SENP2: variants seen among roughly 807,000 people sequenced by gnomAD.
SENP2 encodes sentrin-specific protease 2.
Under a neutral mutation model 86.3 loss-of-function variants are expected in SENP2, and 16 were observed. That is an observed-to-expected ratio of 0.19 (90% CI 0.13 to 0.28). SENP2 has a LOEUF of 0.28. Ranked by LOEUF, SENP2 falls within the 10% of genes least tolerant of loss-of-function variation. The pLI, the probability that SENP2 is intolerant of heterozygous loss-of-function variation, is 1.00. For synonymous variants in SENP2, 222 were observed against 238.7 expected (o/e 0.93, Z 0.64); for missense variants, 552 against 703.0 (o/e 0.79, Z 2.43).
intron 7 of SENP2, among the ~76,000 whole-genome samples, chr3:185,611,023 C>A (rs760351725): frequency 6.6e-6 from 1 of 152,110 alleles, no homozygotes; most frequent in Admixed American, 6.6e-5. Context: ...CACCTGTAAT[C>A]CCAGCGCTTT....
At chr3:185,624,195 A>G (rs1294306552) in intron 15 of SENP2, 113 bp downstream of exon 15, 10 of 633,826 alleles carry the variant, frequency 1.6e-5, no homozygotes, top group Middle Eastern at 2.6e-4. Context: ...TTTAAAGTAC[A>G]CATCTTTTTT....
chr3:185,602,475 T>C (rs538716366), intron 5 of SENP2, among the ~76,000 whole-genome samples: 2 of 152,026 alleles, frequency 1.3e-5, no homozygotes, highest in African/African-American at 4.8e-5. Flanking sequence ...AATAAATAAA[T>C]ATATAGTGTC....
chr3:185,623,168 T>C (rs940895181), intron 14 of SENP2, among the ~76,000 whole-genome samples: 5 of 150,642 alleles, frequency 3.3e-5, no homozygotes, highest in Non-Finnish European at 7.4e-5. Flanking sequence ...TGAGATGGAG[T>C]TTCACTCTTG....
At chr3:185,615,821 A>G (rs1286856132) in intron 11 of SENP2, among the ~76,000 whole-genome samples, 2 of 152,090 alleles carry the variant, frequency 1.3e-5, no homozygotes, top group African/African-American at 2.4e-5. Context: ...GTCAAAAAGG[A>G]TGGTGTGACC....
intron 10 of SENP2, 121 bp downstream of exon 10, chr3:185,613,529 C>G (rs1231963640): frequency 1.7e-6 from 1 of 597,232 alleles, no homozygotes; most frequent in Admixed American, 3.1e-5. Context: ...TGTTGTTTTT[C>G]TTTAAAAAAG....
Position 185,607,203 on chromosome 3 carries a change from A to C in SENP2, c.618+705A>C, listed in dbSNP as rs1363073022. On this transcript the variant is annotated intron_variant, in intron 6 of 16. Transcript: ENST00000296257. Reference sequence around the variant, plus strand: ...TCTAAGCAAGTAACCTCTGATACCTATATGTATTCTTCTATAGATATTCTA... The same window carrying C: ...TCTAAGCAAGTAACCTCTGATACCTCTATGTATTCTTCTATAGATATTCTA... Among the ~76,000 whole-genome samples the C allele has an allele frequency of 2.6e-5, 4 of 151,194 alleles. 1 individual carries two copies. The highest frequency in any genetic ancestry group is 6.6e-5 in the Admixed American group (1 of 15,154).
At chr3:185,600,876 G>A (rs1471778934) in intron 5 of SENP2, 21 bp downstream of exon 5, 2 of 1,533,820 alleles carry the variant, frequency 1.3e-6, no homozygotes, top group African/African-American at 1.4e-5. Flanking sequence ...AATTCTTTCT[G>A]TAAATGGAAA....
chr3:185,623,917 C>T (rs1168693171), intron 14 of SENP2, 81 bp from the exon 15 acceptor site: 4 of 575,206 alleles, frequency 7.0e-6, no homozygotes, highest in African/African-American at 6.0e-5. Context: ...ATCTGTTTAA[C>T]ATCAGAAAGC....
chr3:185,603,190 G>T (rs995018990), intron 5 of SENP2, among the ~76,000 whole-genome samples: 1 of 152,074 alleles, frequency 6.6e-6, no homozygotes, highest in Non-Finnish European at 1.5e-5. Flanking sequence ...GGAATTACAG[G>T]CGTGAGCCAC....
chr3:185,612,563 A>G (rs1041811612), intron 8 of SENP2, 44 bp from the exon 9 acceptor site: 16 of 1,362,728 alleles, frequency 1.2e-5, no homozygotes, highest in Non-Finnish European at 1.6e-5. Flanking sequence ...TATATTATTC[A>G]TCGATGAAGG....
At chr3:185,609,755 C>T (rs1722625880) in intron 7 of SENP2, among the ~76,000 whole-genome samples, 1 of 151,542 alleles carries the variant, frequency 6.6e-6, no homozygotes, top group African/African-American at 2.4e-5. Context: ...TTCCTTTCTC[C>T]TTCACCTCCT....
chr3:185,625,250 C>T (rs990622146), intron 15 of SENP2, among the ~76,000 whole-genome samples: 10 of 151,812 alleles, frequency 6.6e-5, no homozygotes, highest in East Asian at 2.0e-4. Context: ...TAGCTGGGAC[C>T]ACAGGCGCCT....
At chr3:185,602,768 G>A (rs543341920) in intron 5 of SENP2, among the ~76,000 whole-genome samples, 3 of 148,264 alleles carry the variant, frequency 2.0e-5, no homozygotes, top group African/African-American at 7.5e-5. Context: ...CGGAAGCAGA[G>A]GGTGCAGTGA....
chr3:185,621,709 C>G, intron 13 of SENP2, 117 bp from the exon 14 acceptor site: 1 of 592,392 alleles, frequency 1.7e-6, no homozygotes, highest in Non-Finnish European at 2.9e-6. Context: ...TTCTAAGATA[C>G]ATAAAAAATT....
chr3:185,594,786 A>G (rs932997903), intron 2 of SENP2, among the ~76,000 whole-genome samples: 28 of 152,090 alleles, frequency 1.8e-4, no homozygotes, highest in African/African-American at 6.8e-4. Context: ...TGCCCAGCTA[A>G]TTTTTATATT....
Position 185,612,670 on chromosome 3 carries a change from C to T in SENP2, c.869+12C>T. 6.3e-7 allele frequency: 1 copy of T among 1,576,464 alleles called. No homozygotes were observed. The highest frequency in any genetic ancestry group is 8.7e-7 in the Non-Finnish European group (1 of 1,146,570). On this transcript the variant is annotated intron_variant, in intron 9 of 16. Coordinates refer to ENST00000296257, the MANE Select transcript of SENP2 (RefSeq NM_021627.3). ...AGAAGTGAAAAGAGGTACGTACATTCAGTTCATTCTACACTTTCTTTTAAT... is the reference window on the plus strand; with the variant it reads ...AGAAGTGAAAAGAGGTACGTACATTTAGTTCATTCTACACTTTCTTTTAAT...
rs63707460 is a variant in SENP2 at position 185,623,826 on chromosome 3, C to CAAAAAAAAAAAAA, written c.1527-160_1527-148dup. Among the ~76,000 whole-genome samples the CAAAAAAAAAAAAA allele has an allele frequency of 2.7e-4, 13 of 47,786 alleles. 1 individual carries two copies. In the South Asian group the frequency reaches 6.0e-3, roughly 22 times the overall value. 31.3% of individuals were successfully genotyped at this position (47,786 alleles called of 152,430 possible). ...TGGGCGACAGAGCGAGACTCTGTCT[C>CAAAAAAAAAAAAA]AAAAAAAAAAAAAAAAAAAAAAAAT... On this transcript the variant is annotated intron_variant, in intron 14 of 16. Transcript: ENST00000296257.
At chr3:185,601,681 C>T (rs1304464111) in intron 5 of SENP2, among the ~76,000 whole-genome samples, 2 of 148,432 alleles carry the variant, frequency 1.3e-5, no homozygotes, top group African/African-American at 5.0e-5. Flanking sequence ...TGCTCTGTCA[C>T]CCAGGCAGTT....
intron 11 of SENP2, among the ~76,000 whole-genome samples, chr3:185,616,221 C>T (rs1711598218): frequency 6.8e-6 from 1 of 148,008 alleles, no homozygotes; most frequent in Non-Finnish European, 1.5e-5. Flanking sequence ...GCCTGTAATC[C>T]CAGCACTTTG....
Sources: allele counts gnomAD v4.1 joint callset (sites outside exome capture counted in the v4.1 genomes callset), GRCh38; gene constraint gnomAD v4.1.1; transcripts MANE v1.5; gene names NCBI Gene and HGNC (gene_info 2026-07-23, HGNC 2026-07-21).